Variants in GRID2 observed in about 807,000 individuals in gnomAD.
The protein encoded by GRID2 is glutamate receptor ionotropic, delta-2.
GRID2 carries 33 observed loss-of-function variants against 114.8 expected under a neutral mutation model. The ratio of observed to expected loss-of-function variants is 0.29; its 90% CI spans 0.22 to 0.38. The LOEUF (loss-of-function observed/expected upper bound fraction) is 0.38, where lower values mean the gene tolerates loss of function less well. Ranked by LOEUF, GRID2 falls within the 10% of genes least tolerant of loss-of-function variation. GRID2 has a pLI of 1.00. For missense variants in GRID2, 1,184 were observed against 1,257.7 expected (o/e 0.94, Z 0.89); for synonymous variants, 505 against 449.9 (o/e 1.12, Z -1.55).
intron 1 of GRID2, among the ~76,000 whole-genome samples, chr4:92,475,942 A>C (rs991669492): frequency 6.6e-6 from 1 of 151,730 alleles, no homozygotes; most frequent in Non-Finnish European, 1.5e-5. Flanking sequence ...GATATTGCAA[A>C]TGGAAATGTT....
intron 9 of GRID2, among the ~76,000 whole-genome samples, chr4:93,399,779 A>G (rs1339897100): frequency 1.3e-5 from 2 of 152,066 alleles, no homozygotes; most frequent in Non-Finnish European, 2.9e-5. Flanking sequence ...ATGGTCTCCA[A>G]CTGCAAATCC....
chr4:92,826,028 A>G (rs1262111187), intron 2 of GRID2, among the ~76,000 whole-genome samples: 2 of 152,130 alleles, frequency 1.3e-5, no homozygotes, highest in African/African-American at 4.8e-5. Context: ...GTTAAAACAC[A>G]AGTGGCATCT....
intron 5 of GRID2, among the ~76,000 whole-genome samples, chr4:93,212,343 TA>T (rs1462266961): frequency 4.6e-5 from 7 of 152,250 alleles, no homozygotes; most frequent in Middle Eastern, 3.4e-3. Context: ...GAAAACAATA[TA>T]TTTTTTTCAT....
chr4:93,234,698 ATTTG>A (rs148141720), intron 7 of GRID2, among the ~76,000 whole-genome samples: 11 of 144,176 alleles, frequency 7.6e-5, no homozygotes, highest in African/African-American at 1.8e-4. Flanking sequence ...CCATAAAAAT[ATTTG>A]TTTGTTGGGT....
At chr4:93,510,087 C>T (rs1033125545) in intron 12 of GRID2, among the ~76,000 whole-genome samples, 2 of 152,224 alleles carry the variant, frequency 1.3e-5, no homozygotes, top group South Asian at 2.1e-4. Flanking sequence ...GTCTCTTTTC[C>T]ACTGTTAGCC....
chr4:93,439,438 T>C (rs894587417), intron 10 of GRID2, among the ~76,000 whole-genome samples: 1 of 151,984 alleles, frequency 6.6e-6, no homozygotes, highest in African/African-American at 2.4e-5. Context: ...GACACAGAAT[T>C]TGGCTATAGG....
intron 2 of GRID2, among the ~76,000 whole-genome samples, chr4:92,835,654 C>G (rs1742403444): frequency 6.6e-6 from 1 of 152,044 alleles, no homozygotes. Context: ...CCAGTTCTTA[C>G]CCCCAGGTGA....
At chr4:92,767,717 C>T (rs993606771) in intron 2 of GRID2, among the ~76,000 whole-genome samples, 5 of 152,018 alleles carry the variant, frequency 3.3e-5, no homozygotes, top group African/African-American at 1.2e-4. Flanking sequence ...CACCACTGCA[C>T]TCCAGTCTGG....
intron 13 of GRID2, among the ~76,000 whole-genome samples, chr4:93,620,442 C>T (rs796187555): frequency 1.3e-4 from 20 of 152,212 alleles, no homozygotes; most frequent in African/African-American, 4.3e-4. Context: ...TAACAGGTAG[C>T]GATAAGTCTG....
At chr4:93,803,700 C>T (rs1375785477) in intron 1 of GRID2, among the ~76,000 whole-genome samples, 2 of 150,728 alleles carry the variant, frequency 1.3e-5, no homozygotes, top group African/African-American at 4.9e-5. Context: ...CCAGCCCGGG[C>T]AACAGTGTGA....
chr4:93,004,317 G>C (rs1030049681), intron 2 of GRID2, among the ~76,000 whole-genome samples: 3 of 151,748 alleles, frequency 2.0e-5, no homozygotes, highest in African/African-American at 4.8e-5. Flanking sequence ...TAGTTTCTTA[G>C]AGTTCTTCAT....
At chr4:92,773,171 T>C (rs1738620652) in intron 2 of GRID2, among the ~76,000 whole-genome samples, 1 of 152,230 alleles carries the variant, frequency 6.6e-6, no homozygotes, top group Non-Finnish European at 1.5e-5. Flanking sequence ...CCTGGGTTCA[T>C]AGTATACTAA....
intron 4 of GRID2, among the ~76,000 whole-genome samples, chr4:93,160,842 C>T (rs1201975083): frequency 6.6e-6 from 1 of 151,800 alleles, no homozygotes; most frequent in African/African-American, 2.4e-5. Flanking sequence ...TCTTAGGCAC[C>T]AAGCTGATCT....
chr4:93,177,052 G>A lies in GRID2; in HGVS notation c.736-30352G>A, dbSNP rs112254749. ...AAAAAATTTGCTGCGTGATACCGATGTATTTATGGATCCAATTTAGGTTAC... is the reference window on the plus strand; with the variant it reads ...AAAAAATTTGCTGCGTGATACCGATATATTTATGGATCCAATTTAGGTTAC... On this transcript the variant is annotated intron_variant, in intron 4 of 15. Transcript: ENST00000282020. 6.5e-3 allele frequency among the ~76,000 whole-genome samples: 986 copies of A among 152,206 alleles called. 7 individuals are homozygous for A. Among genetic ancestry groups the A allele is most frequent in the African/African-American group, 0.023 (948 of 41,538 alleles).
At chr4:93,662,244 C>T (rs188915705) in intron 14 of GRID2, among the ~76,000 whole-genome samples, 143 of 152,212 alleles carry the variant, frequency 9.4e-4, no homozygotes, top group Admixed American at 1.8e-3. Context: ...TAAAGGCACA[C>T]GCCCATCCCT....
intron 1 of GRID2, among the ~76,000 whole-genome samples, chr4:92,443,991 A>G (rs960002328): frequency 2.0e-5 from 3 of 152,092 alleles, no homozygotes; most frequent in African/African-American, 7.2e-5. Context: ...TGAAGAGTGG[A>G]AAGGAGAAAG....
chr4:92,718,964 T>C (rs1276793249), intron 2 of GRID2, among the ~76,000 whole-genome samples: 1 of 152,008 alleles, frequency 6.6e-6, no homozygotes, highest in African/African-American at 2.4e-5. Context: ...TGTGACCCAG[T>C]TTCTTGATGA....
intron 8 of GRID2, among the ~76,000 whole-genome samples, chr4:93,358,076 A>G (rs534814457): frequency 6.6e-6 from 1 of 151,862 alleles, no homozygotes; most frequent in Non-Finnish European, 1.5e-5. Context: ...GTTTCATTGG[A>G]CTTATCAAAT....
chr4:92,670,828 C>A (rs894191000), intron 2 of GRID2, among the ~76,000 whole-genome samples: 24 of 151,926 alleles, frequency 1.6e-4, no homozygotes, highest in African/African-American at 5.8e-4. Context: ...AGTAGTTGGT[C>A]CAAGGTCAGC....
Sources: allele counts gnomAD v4.1 joint callset (sites outside exome capture counted in the v4.1 genomes callset), GRCh38; gene constraint gnomAD v4.1.1; transcripts MANE v1.5; gene names NCBI Gene and HGNC (gene_info 2026-07-23, HGNC 2026-07-21).